Variants in CABIN1 observed in about 807,000 individuals in gnomAD.
CABIN1 encodes the protein calcineurin-binding protein cabin-1.
In CABIN1, 133 loss-of-function variants were observed where a neutral mutation model predicts 227.7. The ratio of observed to expected loss-of-function variants is 0.58; its 90% CI spans 0.51 to 0.67. The LOEUF (loss-of-function observed/expected upper bound fraction) is 0.67, where lower values mean the gene tolerates loss of function less well. Ranked by LOEUF, CABIN1 falls within the 30% of genes least tolerant of loss-of-function variation. The pLI is 0.00. For missense variants in CABIN1, 2,408 were observed against 2,852.5 expected (o/e 0.84, Z 3.55); for synonymous variants, 1,086 against 1,155.1 (o/e 0.94, Z 1.21).
In CABIN1 at chr22:24,070,949, C is replaced by G; in HGVS notation, c.2382C>G (p.Ile794Met). 6.2e-7 allele frequency: 1 copy of G among 1,614,164 alleles called. No individual in the cohort carries two copies. Among genetic ancestry groups the G allele is most frequent in the Non-Finnish European group, 8.5e-7 (1 of 1,180,014 alleles). Residue 794 changes from isoleucine to methionine, a missense_variant, in exon 17 of 37, where the codon ATC becomes ATG. Physicochemically the swap from Ile to Met is conservative, Grantham distance 10 (BLOSUM62 1). Transcript: ENST00000263119. ...VATVTQLLMG[I>M]EQALSADSSG... ...CAGTGACCCAACTGCTGATGGGCAT[C>G]GAGCAGGCCCTCTCTGCGGACAGCA...
In CABIN1 at chr22:24,104,128, G is replaced by A. The variant is rs773648441; in HGVS notation, c.4117+5936G>A. Among the ~76,000 whole-genome samples the A allele has an allele frequency of 4.3e-4, 66 of 152,276 alleles. 1 individual carries two copies. Among genetic ancestry groups the A allele is most frequent in the Non-Finnish European group, 6.9e-4 (47 of 68,016 alleles). On this transcript the variant is annotated intron_variant, in intron 26 of 36. Coordinates refer to ENST00000263119, the MANE Select transcript of CABIN1 (RefSeq NM_012295.4). ...CTGAGGGTTGGGCTCTTTCCTGTGG[G>A]CAGTAGGGAGAGTGATGTGGTCACA...
Position 24,067,046 on chromosome 22 carries a change from G to A in CABIN1, c.2097G>A (p.Leu699=). The change falls in exon 16 of 37, where the codon CTG becomes CTA. Residue 699 remains leucine, a synonymous_variant. Transcript: ENST00000263119. Reference sequence around the variant, plus strand: ...AGTCCCTGGAGGAGATTCAGCGGCTGTATGAAGCAGGCGACTACAAGGCTG... The same window carrying A: ...AGTCCCTGGAGGAGATTCAGCGGCTATATGAAGCAGGCGACTACAAGGCTG... ...RCQSLEEIQR[L]YEAGDYKAVV... 6.2e-7 allele frequency: 1 copy of A among 1,614,224 alleles called. No individual in the cohort carries two copies. Among genetic ancestry groups the A allele is most frequent in the Non-Finnish European group, 8.5e-7 (1 of 1,180,048 alleles).
intron 34 of CABIN1, chr22:24,173,476 T>G (rs947471627): frequency 1.3e-5 from 2 of 152,118 alleles, no homozygotes; most frequent in Admixed American, 1.3e-4. Context: ...TCCCTTTGGG[T>G]CAGAACCTGT....
At chr22:24,158,799 C>T (rs558564246) in intron 29 of CABIN1, among the ~76,000 whole-genome samples, 26 of 152,190 alleles carry the variant, frequency 1.7e-4, no homozygotes, top group Non-Finnish European at 3.7e-4. Flanking sequence ...GTTGGGCTTC[C>T]CCAGCATCCT....
At chr22:24,039,426 T>C (rs1435247554) in intron 4 of CABIN1, among the ~76,000 whole-genome samples, 1 of 152,198 alleles carries the variant, frequency 6.6e-6, no homozygotes, top group East Asian at 1.9e-4. Context: ...TTATATAGCT[T>C]GTCAAGATTC....
At chr22:24,082,002 G>A (rs1276893574) in intron 19 of CABIN1, among the ~76,000 whole-genome samples, 1 of 152,080 alleles carries the variant, frequency 6.6e-6, no homozygotes, top group Admixed American at 6.6e-5. Flanking sequence ...ACTCCAGCCT[G>A]GGCGACGGAG....
chr22:24,083,707 G>C (rs2040958413), intron 20 of CABIN1, among the ~76,000 whole-genome samples: 1 of 152,214 alleles, frequency 6.6e-6, no homozygotes, highest in South Asian at 2.1e-4. Flanking sequence ...AGGCTGGAGT[G>C]CACTGTGATT....
At chr22:24,088,369 G>A (rs965023647) in intron 23 of CABIN1, among the ~76,000 whole-genome samples, 3 of 152,104 alleles carry the variant, frequency 2.0e-5, no homozygotes, top group South Asian at 2.1e-4. Flanking sequence ...CAACACTTTC[G>A]GAGACTGAGG....
intron 1 of CABIN1, among the ~76,000 whole-genome samples, chr22:24,027,852 A>G (rs2036208826): frequency 6.6e-6 from 1 of 151,932 alleles, no homozygotes; most frequent in South Asian, 2.1e-4. Context: ...TTTATAAATT[A>G]CCCAGGCTCA....
rs754133347 is a variant in CABIN1 at position 24,178,240 on chromosome 22, G to A, written c.*44G>A. On this transcript the variant is annotated 3_prime_UTR_variant, in exon 37 of 37. Coordinates refer to ENST00000263119, the MANE Select transcript of CABIN1 (RefSeq NM_012295.4). ...CCGCCACGCCCCAGGGGACCAGCCA[G>A]GCCTGGAATGCCCCCTGGGCAGGAC... The A allele has an allele frequency of 1.9e-6, 3 of 1,610,312 alleles. No individual in the cohort carries two copies. The highest frequency in any genetic ancestry group is 2.5e-6 in the Non-Finnish European group (3 of 1,179,000).
At chr22:24,150,630 G>A (rs2045424620) in intron 29 of CABIN1, among the ~76,000 whole-genome samples, 1 of 152,180 alleles carries the variant, frequency 6.6e-6, no homozygotes, top group Non-Finnish European at 1.5e-5. Context: ...CAGGACAGGG[G>A]GCTAGAGAGA....
At chr22:24,020,412 C>T (rs1264276516) in intron 1 of CABIN1, among the ~76,000 whole-genome samples, 1 of 152,150 alleles carries the variant, frequency 6.6e-6, no homozygotes, top group Non-Finnish European at 1.5e-5. Flanking sequence ...GCCTCAACTT[C>T]TCAGGCTCAA....
At chr22:24,048,451 C>T (rs2038066305) in intron 6 of CABIN1, among the ~76,000 whole-genome samples, 1 of 151,992 alleles carries the variant, frequency 6.6e-6, no homozygotes, top group Non-Finnish European at 1.5e-5. Flanking sequence ...AACAGGGTCT[C>T]ACTCTATTGC....
chr22:24,144,861 C>G (rs1420950721), intron 29 of CABIN1, among the ~76,000 whole-genome samples: 2 of 152,254 alleles, frequency 1.3e-5, no homozygotes, highest in Non-Finnish European at 2.9e-5. Flanking sequence ...CCTGCCCAGG[C>G]TAGTGTTGGA....
intron 15 of CABIN1, among the ~76,000 whole-genome samples, chr22:24,065,148 A>ACCC (rs1236946322): frequency 7.9e-6 from 1 of 126,050 alleles, no homozygotes; most frequent in East Asian, 2.4e-4. Context: ...GCGGGGGCTG[A>ACCC]CCCCCCACCT....
chr22:24,154,879 CAG>C (rs998356180), intron 29 of CABIN1, among the ~76,000 whole-genome samples: 9 of 152,146 alleles, frequency 5.9e-5, no homozygotes, highest in Admixed American at 2.6e-4. Flanking sequence ...CCAGCCAGCT[CAG>C]AGAGGAGATG....
At chr22:24,027,693 T>C (rs2036193434) in intron 1 of CABIN1, among the ~76,000 whole-genome samples, 1 of 152,226 alleles carries the variant, frequency 6.6e-6, no homozygotes, top group Non-Finnish European at 1.5e-5. Context: ...CAGAAGTGAG[T>C]TCATCCCCCT....
intron 3 of CABIN1, among the ~76,000 whole-genome samples, chr22:24,036,500 C>T (rs528908704): frequency 5.4e-4 from 82 of 152,174 alleles, no homozygotes; most frequent in South Asian, 5.0e-3. Flanking sequence ...GATGGTGTTT[C>T]GAGGTTCCCT....
rs1185848504 is a variant in CABIN1, at chr22:24,063,057, G to A, written c.1795G>A (p.Ala599Thr). ...GGGTGACCTCCTACAGCTGTCATTTGCCTCGTCCCAGCGCGACCTGTTCGA... is the reference window on the plus strand; with the variant it reads ...GGGTGACCTCCTACAGCTGTCATTTACCTCGTCCCAGCGCGACCTGTTCGA... Reference protein sequence around the residue: ...CLGDLLQLSFASSQRDLFEDG... With the variant: ...CLGDLLQLSFTSSQRDLFEDG... The change falls in exon 14 of 37, where the codon GCC becomes ACC. Residue 599 changes from alanine (A) to threonine (T), a missense_variant. By Grantham distance (58) the Ala-to-Thr change is moderately conservative. This residue lies in a region of CABIN1 where 1,045 missense variants were observed against 1,168.4 expected (regional missense o/e 0.89). Coordinates refer to ENST00000263119, the MANE Select transcript of CABIN1 (RefSeq NM_012295.4). 9.9e-6 allele frequency: 16 copies of A among 1,614,058 alleles called. No individual in the cohort carries two copies. The African/African-American group carries it at 2.1e-4, about 22-fold the overall frequency.
Sources: gnomAD v4.1 joint callset for allele counts (sites outside exome capture counted in the v4.1 genomes callset) on GRCh38, gnomAD v4.1.1 for gene constraint, gnomAD v4.1.1 regional missense constraint, MANE v1.5 for transcripts, NCBI Gene and HGNC (gene_info 2026-07-23, HGNC 2026-07-21) for gene names.